The following BHMT2 variants were observed in gnomAD, a reference collection of about 807,000 sequenced individuals.
BHMT2 encodes betaine--homocysteine S-methyltransferase 2, also known as S-methylmethionine--homocysteine S-methyltransferase BHMT2.
BHMT2 carries 28 observed loss-of-function variants against 39.0 expected under a neutral mutation model. The observed-to-expected ratio is 0.72, with a 90% CI of 0.53 to 0.98. BHMT2 has a LOEUF of 0.98. BHMT2 is among the 50% of genes least tolerant of loss of function. The pLI is 0.00. For synonymous variants in BHMT2, 145 were observed against 160.6 expected (o/e 0.90, Z 0.74); for missense variants, 410 against 455.6 (o/e 0.90, Z 0.91).
rs1329456863 is a variant in BHMT2, at chr5:79,087,014, G to GTGTGCATATATA, written c.1011-1478_1011-1477insGTGCATATATAT. Among the ~76,000 whole-genome samples the GTGTGCATATATA allele has an allele frequency of 3.8e-3, 445 of 118,304 alleles. 4 individuals carry two copies. Among genetic ancestry groups the GTGTGCATATATA allele is most frequent in the African/African-American group, 0.013 (422 of 31,464 alleles). The allele number at this position is 118,304 out of a possible 152,430, so 77.6% of individuals were successfully genotyped here. On this transcript the variant is annotated intron_variant, in intron 7 of 7. Transcript: ENST00000255192. ...TGTGTATGTATGTGTGTGTGTGTGT[G>GTGTGCATATATA]TATATATATATATATATATATATAT...
chr5:79,073,661 A>C (rs1755621970), intron 1 of BHMT2, among the ~76,000 whole-genome samples: 2 of 152,248 alleles, frequency 1.3e-5, no homozygotes, highest in South Asian at 4.1e-4. Flanking sequence ...GCATTCAGCT[A>C]AAATTCAGCT....
At chr5:79,080,293 G>T (rs1755760908) in intron 3 of BHMT2, among the ~76,000 whole-genome samples, 1 of 152,208 alleles carries the variant, frequency 6.6e-6, no homozygotes, top group Admixed American at 6.5e-5. Flanking sequence ...TGAAAGTATT[G>T]TGAAATATTC....
intron 7 of BHMT2, among the ~76,000 whole-genome samples, chr5:79,084,235 G>A (rs1755850178): frequency 6.6e-6 from 1 of 152,044 alleles, no homozygotes; most frequent in Non-Finnish European, 1.5e-5. Context: ...GGTAGATGGG[G>A]CACCACAGCT....
Position 79,088,870 on chromosome 5 carries a change from A to G in BHMT2, c.*296A>G, listed in dbSNP as rs113854341. The G allele has an allele frequency of 0.024, 5,503 of 231,268 alleles. 134 individuals carry two copies. Among genetic ancestry groups the G allele is most frequent in the African/African-American group, 0.079 (3,475 of 44,206 alleles). The allele number at this position is 231,268 out of a possible 1,614,324, so 14.3% of individuals were successfully genotyped here. On this transcript the variant is annotated 3_prime_UTR_variant, in exon 8 of 8. Coordinates refer to ENST00000255192, the MANE Select transcript of BHMT2 (RefSeq NM_017614.5). ...GTGGTGCATTCCTTTGAAGATCATG[A>G]AGAATAGCCAAACTTGTCTTTGAGG...
At chr5:79,086,001 G>A (rs1026833203) in intron 7 of BHMT2, among the ~76,000 whole-genome samples, 55 of 152,146 alleles carry the variant, frequency 3.6e-4, no homozygotes, top group Admixed American at 1.3e-4. Flanking sequence ...TCTGACCCTG[G>A]CAGATCTTTG....
intron 7 of BHMT2, among the ~76,000 whole-genome samples, chr5:79,085,711 T>G (rs376253536): frequency 9.9e-4 from 150 of 151,854 alleles, no homozygotes; most frequent in East Asian, 3.9e-3. Flanking sequence ...ACCCCAAAAA[T>G]AAAAAATAAA....
intron 1 of BHMT2, among the ~76,000 whole-genome samples, chr5:79,075,646 G>T (rs1755658005): frequency 6.6e-6 from 1 of 152,160 alleles, no homozygotes; most frequent in Admixed American, 6.5e-5. Context: ...GTGGGGAGTT[G>T]GGAGGAGTGG....
rs148531725 is a variant in BHMT2 at position 79,074,928 on chromosome 5, A to G, written c.34-2552A>G. ...CCACACTGTTTCCTCATCGTTTGAG[A>G]CAGAGTATGAACGTGACTCTGATCC... is the stretch of plus-strand genomic sequence containing the variant. On this transcript the variant is annotated intron_variant, in intron 1 of 7. Transcript: ENST00000255192. Among the ~76,000 whole-genome samples, 1,319 of 152,318 alleles carry G rather than the reference A, an allele frequency of 8.7e-3. 17 individuals carry two copies. The highest frequency in any genetic ancestry group is 0.03 in the African/African-American group (1,268 of 41,578).
chr5:79,071,280 G>C (rs183532896), intron 1 of BHMT2: 1 of 152,296 alleles, frequency 6.6e-6, no homozygotes, highest in African/African-American at 2.4e-5. Context: ...AAATCCAAAA[G>C]AGCAGTTCTG....
rs1185998091 is a variant in BHMT2, at chr5:79,088,709, C to A, written c.*135C>A. The A allele has an allele frequency of 6.0e-5, 39 of 649,106 alleles. No homozygotes were observed. In the East Asian group the frequency reaches 1.1e-3, roughly 18 times the overall value. 40.2% of individuals were successfully genotyped at this position (649,106 alleles called of 1,614,324 possible). ...TGCTGAGCAGCTGAGGTGCTGCAGC[C>A]CCTTCCCTTCCAGCCCACAAGTGTG... On this transcript the variant is annotated 3_prime_UTR_variant, in exon 8 of 8. Transcript: ENST00000255192.
intron 1 of BHMT2, 54 bp downstream of exon 1, chr5:79,069,869 G>T: frequency 7.4e-7 from 1 of 1,346,494 alleles, no homozygotes; most frequent in Non-Finnish European, 9.6e-7. Flanking sequence ...GGCTGCGAGC[G>T]ACTCCGTTCA....
chr5:79,079,657 A>G (rs760828886), intron 3 of BHMT2, among the ~76,000 whole-genome samples, 197 bp downstream of exon 3: 1 of 152,234 alleles, frequency 6.6e-6, no homozygotes, highest in Non-Finnish European at 1.5e-5. Flanking sequence ...GCACTCTGAG[A>G]GGCCGAGGTG....
intron 7 of BHMT2, 131 bp downstream of exon 7, chr5:79,083,987 C>T (rs1461819235): frequency 3.8e-6 from 5 of 1,323,838 alleles, no homozygotes; most frequent in African/African-American, 1.5e-5. Flanking sequence ...TTATCCCCTT[C>T]CTGATACCAG....
At chr5:79,073,725 T>C (rs984869745) in intron 1 of BHMT2, among the ~76,000 whole-genome samples, 8 of 152,328 alleles carry the variant, frequency 5.3e-5, no homozygotes, top group African/African-American at 1.9e-4. Context: ...TCTGCCAAAA[T>C]AGTGTTTATG....
chr5:79,072,823 G>C (rs1580245529), intron 1 of BHMT2, among the ~76,000 whole-genome samples: 1 of 152,196 alleles, frequency 6.6e-6, no homozygotes, highest in African/African-American at 2.4e-5. Context: ...AATGCAGTGA[G>C]GATGGTGGGG....
chr5:79,079,702 C>T (rs1755749483), intron 3 of BHMT2, among the ~76,000 whole-genome samples: 1 of 152,180 alleles, frequency 6.6e-6, no homozygotes, highest in African/African-American at 2.4e-5. Flanking sequence ...TCCAGATCAG[C>T]CTGGACAACA....
At chr5:79,071,822 T>TAAAAAAAAAAAA (rs60114073) in intron 1 of BHMT2, among the ~76,000 whole-genome samples, 2 of 103,576 alleles carry the variant, frequency 1.9e-5, no homozygotes, top group African/African-American at 3.5e-5. Flanking sequence ...AACTTAAAAG[T>TAAAAAAAAAAAA]AAAAAAAAAA....
intron 1 of BHMT2, among the ~76,000 whole-genome samples, chr5:79,074,011 G>A (rs1006240193): frequency 2.6e-5 from 4 of 152,166 alleles, no homozygotes; most frequent in South Asian, 2.1e-4. Flanking sequence ...CCAGGGTCAC[G>A]TGAGGGGCAG....
intron 4 of BHMT2, 76 bp downstream of exon 4, chr5:79,080,954 G>T (rs1240633143): frequency 5.9e-6 from 8 of 1,347,656 alleles, no homozygotes; most frequent in Non-Finnish European, 8.0e-6. Context: ...TTTCATGAGG[G>T]TATTGGACAA....
Sources: allele counts gnomAD v4.1 joint callset (sites outside exome capture counted in the v4.1 genomes callset), GRCh38; gene constraint gnomAD v4.1.1; transcripts MANE v1.5; gene names NCBI Gene and HGNC (gene_info 2026-07-23, HGNC 2026-07-21).